The following IFT25 variants were observed in gnomAD, a reference collection of about 807,000 sequenced individuals.
IFT25 encodes the protein intraflagellar transport protein 25 homolog.
At chr1:53,939,723 G>T in the IFT25 span, 1 of 379,490 alleles carries the variant, frequency 2.6e-6, no homozygotes, top group Non-Finnish European at 4.6e-6. Context: ...GAAGTTGTTT[G>T]AGTTTTTGCC....
chr1:53,932,957 C>T, the IFT25 span, among the ~76,000 whole-genome samples: 2 of 152,096 alleles, frequency 1.3e-5, no homozygotes, highest in Non-Finnish European at 2.9e-5. Context: ...TCATCTATGT[C>T]TTTATTGATT....
the IFT25 span, among the ~76,000 whole-genome samples, chr1:53,922,548 A>G: frequency 6.6e-6 from 1 of 152,196 alleles, no homozygotes; most frequent in Non-Finnish European, 1.5e-5. Flanking sequence ...ATATATTTTA[A>G]AAGCTATAAG....
the IFT25 span, among the ~76,000 whole-genome samples, chr1:53,935,149 A>G: frequency 6.6e-6 from 1 of 152,216 alleles, no homozygotes. Context: ...CTCCGTCTAT[A>G]CTAAAAATAC....
the IFT25 span, among the ~76,000 whole-genome samples, chr1:53,939,071 T>C: frequency 1.0e-4 from 9 of 87,910 alleles, no homozygotes; most frequent in African/African-American, 4.1e-4. Context: ...CGAAACTCCG[T>C]CTCAAAAAAA....
the IFT25 span, among the ~76,000 whole-genome samples, chr1:53,937,076 T>C: frequency 2.0e-5 from 3 of 152,198 alleles, no homozygotes; most frequent in Non-Finnish European, 4.4e-5. Flanking sequence ...CAAATACTCC[T>C]ATGGTTACTC....
chr1:53,923,681 GAATT>G, the IFT25 span: 1 of 397,770 alleles, frequency 2.5e-6, no homozygotes. Flanking sequence ...AAAAATAAAT[GAATT>G]GTTTTATCTT....
At chr1:53,945,861 A>G in the IFT25 span, 310 of 9,670 alleles carry the variant, frequency 0.032, 2 homozygotes, top group African/African-American at 0.14. Context: ...CCACCCCGCC[A>G]CCGCGGCCTC....
chr1:53,914,136 T>C, the IFT25 span, among the ~76,000 whole-genome samples: 2 of 152,186 alleles, frequency 1.3e-5, no homozygotes, highest in African/African-American at 4.8e-5. Flanking sequence ...GGAGACATTC[T>C]CCATCCTCCT....
chr1:53,944,272 G>A, the IFT25 span, among the ~76,000 whole-genome samples: 1 of 152,190 alleles, frequency 6.6e-6, no homozygotes, highest in Non-Finnish European at 1.5e-5. Flanking sequence ...GGAAGGCCGA[G>A]GTGGGCGAAC....
At chr1:53,919,988 G>A in the IFT25 span, among the ~76,000 whole-genome samples, 2 of 151,802 alleles carry the variant, frequency 1.3e-5, no homozygotes, top group African/African-American at 4.8e-5. Flanking sequence ...TTGTAGATAT[G>A]GGGTCTAGCT....
chr1:53,943,891 G>A, the IFT25 span, among the ~76,000 whole-genome samples: 1 of 152,116 alleles, frequency 6.6e-6, no homozygotes. Context: ...TAAAGTGCTG[G>A]GATTACAGAA....
the IFT25 span, among the ~76,000 whole-genome samples, chr1:53,927,158 T>A: frequency 6.6e-6 from 1 of 152,258 alleles, no homozygotes; most frequent in African/African-American, 2.4e-5. Context: ...TCTTCATTAA[T>A]GTCTTGTGAT....
At chr1:53,912,863 G>A in the IFT25 span, among the ~76,000 whole-genome samples, 2 of 152,200 alleles carry the variant, frequency 1.3e-5, no homozygotes, top group African/African-American at 4.8e-5. Flanking sequence ...TTTACGATTC[G>A]ACAGATCTGA....
At chr1:53,928,329 A>T in the IFT25 span, 24 of 1,392,284 alleles carry the variant, frequency 1.7e-5, 1 homozygote, top group South Asian at 2.3e-4. Flanking sequence ...AAGGAATATT[A>T]TCTACTCCTT....
the IFT25 span, chr1:53,924,093 T>C: frequency 3.4e-6 from 2 of 592,968 alleles, no homozygotes; most frequent in African/African-American, 3.9e-5. Flanking sequence ...TGAAATTTAA[T>C]TTAAAAATAG....
At chr1:53,941,054 G>A in the IFT25 span, among the ~76,000 whole-genome samples, 2 of 152,026 alleles carry the variant, frequency 1.3e-5, no homozygotes, top group African/African-American at 4.8e-5. Flanking sequence ...GAGTGCAATG[G>A]GGCGATCTTG....
At chr1:53,946,230 G>C in the IFT25 span, 1 of 151,718 alleles carries the variant, frequency 6.6e-6, no homozygotes, top group East Asian at 2.0e-4. Flanking sequence ...GCACGCGCAG[G>C]GCCCACCTCT....
the IFT25 span, among the ~76,000 whole-genome samples, chr1:53,923,192 A>T: frequency 1.3e-5 from 2 of 152,236 alleles, no homozygotes; most frequent in African/African-American, 4.8e-5. Context: ...TGAAACACTG[A>T]TTTAATAGCA....
At chr1:53,912,872 G>C in the IFT25 span, among the ~76,000 whole-genome samples, 1 of 152,222 alleles carries the variant, frequency 6.6e-6, no homozygotes, top group African/African-American at 2.4e-5. Context: ...CGACAGATCT[G>C]AGGTTGAGCT....
Sources: gnomAD v4.1 joint callset for allele counts (sites outside exome capture counted in the v4.1 genomes callset) on GRCh38, gnomAD v4.1.1 for gene constraint, MANE v1.5 for transcripts, NCBI Gene and HGNC (gene_info 2026-07-23, HGNC 2026-07-21) for gene names.